The following ROBO1 variants were observed in gnomAD, a reference collection of about 807,000 sequenced individuals.
The protein encoded by ROBO1 is roundabout homolog 1.
In ROBO1, 149 loss-of-function variants were observed where a neutral mutation model predicts 195.9. That is an observed-to-expected ratio of 0.76 (90% confidence interval 0.67 to 0.87). The LOEUF (loss-of-function observed/expected upper bound fraction) is 0.87. ROBO1 is among the 40% of genes least tolerant of loss of function. The probability of loss-of-function intolerance (pLI) is 0.00; values close to 1 mark genes in which losing one functional copy is unlikely to be tolerated. For synonymous variants in ROBO1, 816 were observed against 733.2 expected (o/e 1.11, Z -1.82); for missense variants, 1,933 against 2,068.3 (o/e 0.93, Z 1.27).
At position 79,312,549 on chromosome 3, in the gene ROBO1, A is replaced by G. The variant is rs190944030; in HGVS notation, c.89-187010T>C. On this transcript the variant is annotated intron_variant, in intron 2 of 30. Transcript: ENST00000464233. The stretch of plus-strand genomic sequence containing the variant: ...TGAAAAGTATATCTCTCCTTCCAAG[A>G]TAAGGTACTATACTTACCCCAAGCT... Among the ~76,000 whole-genome samples, 931 of 152,350 alleles carry G rather than the reference A, an allele frequency of 6.1e-3. 14 individuals are homozygous for G. Among genetic ancestry groups the G allele is most frequent in the African/African-American group, 0.021 (884 of 41,582 alleles).
At chr3:79,177,107 C>CTT (rs139646305) in intron 2 of ROBO1, among the ~76,000 whole-genome samples, 1 of 152,132 alleles carries the variant, frequency 6.6e-6, no homozygotes, top group African/African-American at 2.4e-5. Context: ...AATTTCAGTA[C>CTT]TTTTTTTAAA....
chr3:79,278,397 C>CAAAT (rs2031236392), intron 2 of ROBO1, among the ~76,000 whole-genome samples: 1 of 151,772 alleles, frequency 6.6e-6, no homozygotes, highest in Non-Finnish European at 1.5e-5. Flanking sequence ...AACAAACAAA[C>CAAAT]AAACAAACAA....
chr3:78,673,404 G>A (rs1708177957), intron 10 of ROBO1, among the ~76,000 whole-genome samples: 1 of 147,194 alleles, frequency 6.8e-6, no homozygotes, highest in Non-Finnish European at 1.5e-5. Flanking sequence ...ATATATTACA[G>A]CAGGGTTACA....
chr3:79,598,050 A>G (rs530522185), intron 1 of ROBO1, among the ~76,000 whole-genome samples: 1 of 152,070 alleles, frequency 6.6e-6, no homozygotes, highest in Non-Finnish European at 1.5e-5. Context: ...CACTTTCAGG[A>G]TACAGAAAAT....
At chr3:79,012,533 T>C (rs905018877) in intron 3 of ROBO1, among the ~76,000 whole-genome samples, 4 of 152,236 alleles carry the variant, frequency 2.6e-5, no homozygotes, top group Admixed American at 6.5e-5. Context: ...CTCTAAGCCA[T>C]GGACAGCTGT....
At chr3:78,624,551 G>A (rs1704643513) in intron 26 of ROBO1, among the ~76,000 whole-genome samples, 1 of 152,038 alleles carries the variant, frequency 6.6e-6, no homozygotes, top group South Asian at 2.1e-4. Context: ...AGTTCTACAA[G>A]CATCCATTTG....
chr3:78,913,858 G>A (rs955344436), intron 4 of ROBO1, among the ~76,000 whole-genome samples: 2 of 152,176 alleles, frequency 1.3e-5, no homozygotes, highest in Non-Finnish European at 2.9e-5. Flanking sequence ...GCCCTTTTAT[G>A]TGTGCACATG....
intron 2 of ROBO1, among the ~76,000 whole-genome samples, chr3:79,266,000 T>C (rs1184844938): frequency 1.3e-5 from 2 of 151,622 alleles, no homozygotes; most frequent in South Asian, 2.1e-4. Flanking sequence ...TAACAAACAT[T>C]AGTAATGAGT....
At chr3:79,089,652 A>T (rs1057181410) in intron 3 of ROBO1, among the ~76,000 whole-genome samples, 5 of 152,152 alleles carry the variant, frequency 3.3e-5, no homozygotes, top group African/African-American at 4.8e-5. Flanking sequence ...ACTCTCACTA[A>T]CAGTTACCAC....
At chr3:79,209,661 A>AT (rs1405267589) in intron 2 of ROBO1, among the ~76,000 whole-genome samples, 1 of 152,068 alleles carries the variant, frequency 6.6e-6, no homozygotes, top group Non-Finnish European at 1.5e-5. Flanking sequence ...CCATGCCAAC[A>AT]TTGTTTTATT....
intron 1 of ROBO1, among the ~76,000 whole-genome samples, chr3:79,749,329 T>G (rs1440594756): frequency 6.6e-6 from 1 of 152,120 alleles, no homozygotes; most frequent in Non-Finnish European, 1.5e-5. Flanking sequence ...AAGCATTCAG[T>G]TTTATAACAG....
chr3:79,589,388 C>G (rs1354855055), intron 2 of ROBO1, among the ~76,000 whole-genome samples: 2 of 151,668 alleles, frequency 1.3e-5, no homozygotes, highest in African/African-American at 4.8e-5. Context: ...CATTGTTCAG[C>G]CTGTTAATTA....
chr3:79,655,776 G>A lies in ROBO1; in HGVS notation c.-50-65815C>T, dbSNP rs770319636. The stretch of plus-strand genomic sequence containing the variant: ...TATGTCTCAAAAAGAGCAAGCTACC[G>A]TGGCACTATGTTTGACCGAGATGTG... On this transcript the variant is annotated intron_variant, in intron 1 of 30. Transcript: ENST00000464233. Among the ~76,000 whole-genome samples the A allele has an allele frequency of 9.6e-4, 146 of 152,044 alleles. 2 individuals carry two copies. Among genetic ancestry groups the A allele is most frequent in the Non-Finnish European group, 5.9e-4 (40 of 68,000 alleles).
intron 2 of ROBO1, among the ~76,000 whole-genome samples, chr3:79,355,035 G>A (rs1240919132): frequency 1.3e-5 from 2 of 151,924 alleles, no homozygotes; most frequent in African/African-American, 2.4e-5. Flanking sequence ...GCATGGTGGC[G>A]GGCGCCTGTA....
intron 2 of ROBO1, among the ~76,000 whole-genome samples, chr3:79,492,559 TGTAG>T (rs1330497870): frequency 6.6e-6 from 1 of 151,886 alleles, no homozygotes; most frequent in African/African-American, 2.4e-5. Flanking sequence ...CATAGGCATA[TGTAG>T]GTATGTACAC....
At chr3:79,305,224 C>T (rs1357784832) in intron 2 of ROBO1, among the ~76,000 whole-genome samples, 5 of 152,232 alleles carry the variant, frequency 3.3e-5, no homozygotes, top group Non-Finnish European at 5.9e-5. Flanking sequence ...TGGTAGCTCA[C>T]GCCTGTAATC....
At chr3:79,025,221 G>T (rs1017176654) in intron 3 of ROBO1, among the ~76,000 whole-genome samples, 1 of 152,058 alleles carries the variant, frequency 6.6e-6, no homozygotes, top group Non-Finnish European at 1.5e-5. Context: ...CTGTGAACTC[G>T]CACTCTCCCT....
At chr3:79,155,088 T>A (rs540274171) in intron 2 of ROBO1, among the ~76,000 whole-genome samples, 1 of 151,920 alleles carries the variant, frequency 6.6e-6, no homozygotes, top group African/African-American at 2.4e-5. Context: ...CAACGATGCA[T>A]GTGGCTCACA....
At chr3:79,523,404 G>GA (rs200901866) in intron 2 of ROBO1, among the ~76,000 whole-genome samples, 1,626 of 138,122 alleles carry the variant, frequency 0.012, 29 homozygotes, top group African/African-American at 0.041. Flanking sequence ...AAATAAATTT[G>GA]AAAAAAAAAT....
Sources: gnomAD v4.1 joint callset for allele counts (sites outside exome capture counted in the v4.1 genomes callset) on GRCh38, gnomAD v4.1.1 for gene constraint, MANE v1.5 for transcripts, NCBI Gene and HGNC (gene_info 2026-07-23, HGNC 2026-07-21) for gene names.